YAF2: variants seen among roughly 807,000 people sequenced by gnomAD.
YAF2 encodes the protein YY1 associated factor 2, also known as YY1-associated factor 2.
Under a neutral mutation model 20.1 loss-of-function variants are expected in YAF2, and 7 were observed. The ratio of observed to expected loss-of-function variants is 0.35; its 90% CI spans 0.20 to 0.65. YAF2 has a LOEUF of 0.65. Ranked by LOEUF, YAF2 falls within the 30% of genes least tolerant of loss-of-function variation. The pLI is 0.69. For synonymous variants in YAF2, 74 were observed against 76.0 expected (o/e 0.97, Z 0.14); for missense variants, 151 against 219.2 (o/e 0.69, Z 1.96).
intron 2 of YAF2, among the ~76,000 whole-genome samples, 177 bp from the exon 3 acceptor site, chr12:42,161,942 C>T (rs1475364430): frequency 6.6e-6 from 1 of 151,964 alleles, no homozygotes; most frequent in Non-Finnish European, 1.5e-5. Context: ...CAGTTTTTCC[C>T]GTTCAACAAA....
At chr12:42,232,853 A>G in intron 2 of YAF2, 2 of 985,284 alleles carry the variant, frequency 2.0e-6, no homozygotes, top group Non-Finnish European at 2.4e-6. Flanking sequence ...AACCATAATA[A>G]TAATACTGTG....
intron 2 of YAF2, among the ~76,000 whole-genome samples, chr12:42,221,592 T>C (rs2067516692): frequency 6.6e-6 from 1 of 152,120 alleles, no homozygotes; most frequent in African/African-American, 2.4e-5. Context: ...GACTGGAAAT[T>C]CAGATTTCTA....
At chr12:42,216,757 T>A (rs531071668) in intron 2 of YAF2, among the ~76,000 whole-genome samples, 1 of 152,230 alleles carries the variant, frequency 6.6e-6, no homozygotes, top group Admixed American at 6.5e-5. Context: ...CCTCTCAAAT[T>A]TTCCCCAGGC....
intron 2 of YAF2, among the ~76,000 whole-genome samples, chr12:42,162,127 A>G (rs1229513500): frequency 6.6e-6 from 1 of 152,212 alleles, no homozygotes; most frequent in Non-Finnish European, 1.5e-5. Flanking sequence ...CACTGAAATA[A>G]TAATTTATCC....
rs368907791 is a variant in YAF2, at chr12:42,188,114, A to C, written c.153-26349T>G. ...GACTCACAGGAACTATGAGAAAATAAATGTTTTGGAGTAGTTTGTCACACA... is the reference window on the plus strand; with the variant it reads ...GACTCACAGGAACTATGAGAAAATACATGTTTTGGAGTAGTTTGTCACACA... On this transcript the variant is annotated intron_variant, in intron 2 of 3. Transcript: ENST00000534854. Among the ~76,000 whole-genome samples, 17 of 152,264 alleles carry C rather than the reference A, an allele frequency of 1.1e-4. No individual in the cohort carries two copies. In the East Asian group the frequency reaches 2.1e-3, roughly 19 times the overall value.
intron 2 of YAF2, among the ~76,000 whole-genome samples, chr12:42,188,809 T>G (rs961307002): frequency 2.0e-5 from 3 of 152,114 alleles, no homozygotes; most frequent in Non-Finnish European, 4.4e-5. Flanking sequence ...CTTCAAAGCT[T>G]CTATTACATG....
chr12:42,196,813 T>C (rs1384621288), intron 2 of YAF2, among the ~76,000 whole-genome samples: 3 of 152,210 alleles, frequency 2.0e-5, no homozygotes, highest in Non-Finnish European at 2.9e-5. Flanking sequence ...CAGGCTAACA[T>C]TGAAGGGTCT....
At chr12:42,191,270 C>A (rs2066605971) in intron 2 of YAF2, among the ~76,000 whole-genome samples, 1 of 151,960 alleles carries the variant, frequency 6.6e-6, no homozygotes, top group East Asian at 1.9e-4. Context: ...GATCTGTGGC[C>A]CTCTTTATAT....
At chr12:42,227,827 G>GCCAT in intron 2 of YAF2, among the ~76,000 whole-genome samples, 1 of 123,178 alleles carries the variant, frequency 8.1e-6, no homozygotes, top group South Asian at 2.9e-4. Context: ...GGCCAGCCGT[G>GCCAT]CCGTCCGGGA....
chr12:42,178,230 C>T (rs890922918), intron 2 of YAF2, among the ~76,000 whole-genome samples: 1 of 152,138 alleles, frequency 6.6e-6, no homozygotes, highest in Admixed American at 6.5e-5. Flanking sequence ...TTGTTTTCAA[C>T]CCTGGCTACA....
Position 42,232,776 on chromosome 12 carries a change from T to G in YAF2, c.152+4823A>C, listed in dbSNP as rs532349596. The G allele has an allele frequency of 1.3e-5, 13 of 981,324 alleles. No individual in the cohort carries two copies. The East Asian group carries it at 1.5e-3, about 111-fold the overall frequency. The allele number at this position is 981,324 out of a possible 1,614,324, so 60.8% of individuals were successfully genotyped here. On this transcript the variant is annotated intron_variant, in intron 2 of 3. Transcript: ENST00000534854. ...CTACCAGATGATAGTTGGTTTAAGCTTCTTTCAGAATGTGGATTTTATAGC... is the reference window on the plus strand; with the variant it reads ...CTACCAGATGATAGTTGGTTTAAGCGTCTTTCAGAATGTGGATTTTATAGC...
chr12:42,183,699 T>C (rs926961232), intron 2 of YAF2, among the ~76,000 whole-genome samples: 2 of 152,172 alleles, frequency 1.3e-5, no homozygotes, highest in Non-Finnish European at 2.9e-5. Flanking sequence ...AGCAAGTGCT[T>C]ATATAAAAAC....
At chr12:42,238,091 C>G in intron 1 of YAF2, 64 bp downstream of exon 1, 1 of 1,364,938 alleles carries the variant, frequency 7.3e-7, no homozygotes. Flanking sequence ...GGCGGCCACC[C>G]GAAGCCCTGC....
intron 2 of YAF2, among the ~76,000 whole-genome samples, chr12:42,205,349 A>G (rs1017887993): frequency 2.6e-5 from 4 of 151,332 alleles, no homozygotes; most frequent in African/African-American, 9.7e-5. Context: ...ACTGATCACG[A>G]CATTGTTTTT....
At chr12:42,227,480 T>C (rs1179596551) in intron 2 of YAF2, among the ~76,000 whole-genome samples, 47 of 131,078 alleles carry the variant, frequency 3.6e-4, no homozygotes, top group African/African-American at 1.3e-3. Context: ...GGGGAGCGCC[T>C]CTGCCCCGCC....
intron 2 of YAF2, chr12:42,210,260 T>G: frequency 1.5e-6 from 1 of 656,956 alleles, no homozygotes; most frequent in Non-Finnish European, 2.4e-6. Flanking sequence ...CTATCCCAAG[T>G]AACTTCCTTT....
In YAF2 at chr12:42,223,327, T is replaced by TACACACAC. The variant is rs548568577; in HGVS notation, c.152+14271_152+14272insGTGTGTGT. Among the ~76,000 whole-genome samples the TACACACAC allele has an allele frequency of 2.3e-3, 308 of 131,796 alleles. 1 individual carries two copies. The highest frequency in any genetic ancestry group is 8.7e-3 in the African/African-American group (301 of 34,406). The allele number at this position is 131,796 out of a possible 152,430, so 86.5% of individuals were successfully genotyped here. ...CTTAAAAACAGCAGTTTCTTTAAAA[T>TACACACAC]ACATACACACACACACACACACACA... On this transcript the variant is annotated intron_variant, in intron 2 of 3. Coordinates refer to ENST00000534854, the MANE Select transcript of YAF2 (RefSeq NM_005748.6).
intron 2 of YAF2, among the ~76,000 whole-genome samples, chr12:42,221,683 G>C (rs2067519516): frequency 6.6e-6 from 1 of 152,172 alleles, no homozygotes; most frequent in Non-Finnish European, 1.5e-5. Context: ...TACGAGGCTA[G>C]AGCCATGAGT....
At chr12:42,191,682 G>A (rs1198610667) in intron 2 of YAF2, among the ~76,000 whole-genome samples, 5 of 152,158 alleles carry the variant, frequency 3.3e-5, no homozygotes, top group South Asian at 4.2e-4. Flanking sequence ...AGGAATACAA[G>A]GGTAACAAAA....
Sources: gnomAD v4.1 joint callset for allele counts (sites outside exome capture counted in the v4.1 genomes callset) on GRCh38, gnomAD v4.1.1 for gene constraint, MANE v1.5 for transcripts, NCBI Gene and HGNC (gene_info 2026-07-23, HGNC 2026-07-21) for gene names.